The following APBA1 variants were observed in gnomAD, a reference collection of about 807,000 sequenced individuals.
The protein encoded by APBA1 is amyloid beta precursor protein binding family A member 1.
A neutral mutation model predicts 86.6 loss-of-function variants in APBA1; 55 were observed. The observed-to-expected ratio is 0.64, with a 90% CI of 0.51 to 0.80. The LOEUF (loss-of-function observed/expected upper bound fraction) is 0.80, where lower values mean the gene tolerates loss of function less well. Among genes scored for constraint, APBA1 ranks in the 30% least tolerant of loss-of-function variants. The pLI, the probability that APBA1 is intolerant of heterozygous loss-of-function variation, is 0.00. For missense variants in APBA1, 1,090 were observed against 1,183.0 expected, an observed-to-expected ratio of 0.92 and a Z score of 1.15; for synonymous variants, 511 against 493.9, an observed-to-expected ratio of 1.03 and a Z score of -0.46.
At chr9:69,637,376 T>C (rs1017360450) in intron 1 of APBA1, among the ~76,000 whole-genome samples, 3 of 152,200 alleles carry the variant, frequency 2.0e-5, no homozygotes, top group African/African-American at 7.2e-5. Context: ...TATAATTGGA[T>C]TGTTTGTAAC....
Position 69,431,238 on chromosome 9 carries a change from G to GA in APBA1, c.*88dup, listed in dbSNP as rs1262089899. The GA allele has an allele frequency of 2.0e-6, 2 of 1,021,926 alleles. No homozygotes were observed. Among genetic ancestry groups the GA allele is most frequent in the African/African-American group, 3.3e-5 (2 of 60,642 alleles). 63.3% of individuals were successfully genotyped at this position (1,021,926 alleles called of 1,614,324 possible). On this transcript the variant is annotated 3_prime_UTR_variant, in exon 13 of 13. Transcript: ENST00000265381. ...AAACCAAATGCTGGGCGCGAGAGGG[G>GA]AAAGTCTCAGTGGACACAGGGATGC...
intron 1 of APBA1, among the ~76,000 whole-genome samples, chr9:69,549,195 T>C (rs1484908263): frequency 1.3e-5 from 2 of 152,142 alleles, no homozygotes; most frequent in African/African-American, 4.8e-5. Context: ...GGCTCTCACT[T>C]TGCAATCTCA....
Position 69,448,227 on chromosome 9 carries a change from G to A in APBA1, c.2181+1357C>T, listed in dbSNP as rs1490410155. Among the ~76,000 whole-genome samples, 5 of 152,312 alleles carry A rather than the reference G, an allele frequency of 3.3e-5. No homozygotes were observed. The East Asian group carries it at 9.7e-4, about 29-fold the overall frequency. ...CATAAAATTGTCCATCTAATCACTT[G>A]TAGCCTCTCACCTTTATGTTGGCCG... On this transcript the variant is annotated intron_variant, in intron 10 of 12. Coordinates refer to ENST00000265381, the MANE Select transcript of APBA1 (RefSeq NM_001163.4).
intron 12 of APBA1, 71 bp downstream of exon 12, chr9:69,432,464 CA>C (rs34487170): frequency 1.4e-6 from 2 of 1,388,794 alleles, no homozygotes; most frequent in Non-Finnish European, 1.9e-6. Context: ...TGCTCAGGGC[CA>C]CGGTGAGCAT....
rs968251412 is a variant in APBA1, at chr9:69,486,851, A to AT, written c.1201-10709dup. On this transcript the variant is annotated intron_variant, in intron 2 of 12. Coordinates refer to ENST00000265381, the MANE Select transcript of APBA1 (RefSeq NM_001163.4). ...CCTACTCTCTGCCCCGGGAGTAGAT[A>AT]TTTTTTTTTTCTTCTTTTCTTTTTT... is the stretch of plus-strand genomic sequence containing the variant. 8.8e-5 allele frequency among the ~76,000 whole-genome samples: 13 copies of AT among 148,234 alleles called. 1 individual carries two copies. Among genetic ancestry groups the AT allele is most frequent in the South Asian group, 6.5e-4 (3 of 4,620 alleles).
At chr9:69,613,015 A>T (rs1421550133) in intron 1 of APBA1, among the ~76,000 whole-genome samples, 1 of 152,132 alleles carries the variant, frequency 6.6e-6, no homozygotes, top group Non-Finnish European at 1.5e-5. Flanking sequence ...AATGTATAGG[A>T]TAAAACTAAA....
intron 1 of APBA1, among the ~76,000 whole-genome samples, chr9:69,576,537 T>C (rs1821800747): frequency 6.6e-6 from 1 of 152,202 alleles, no homozygotes; most frequent in Admixed American, 6.5e-5. Context: ...TAATAAAGGA[T>C]GAGTTCATGT....
chr9:69,456,552 T>A, intron 7 of APBA1, 120 bp from the exon 8 acceptor site: 1 of 1,049,840 alleles, frequency 9.5e-7, no homozygotes, highest in South Asian at 1.6e-5. Context: ...CAGGGCTCAC[T>A]GCAAAGCCCA....
chr9:69,660,831 A>AGTGTGTGGGTG (rs1823739684), intron 1 of APBA1, among the ~76,000 whole-genome samples: 1 of 152,106 alleles, frequency 6.6e-6, no homozygotes, highest in Non-Finnish European at 1.5e-5. Context: ...TGAAAAAATG[A>AGTGTGTGGGTG]GTGTGTGGGT....
intron 1 of APBA1, among the ~76,000 whole-genome samples, chr9:69,518,742 A>G (rs1367851476): frequency 6.6e-6 from 1 of 152,104 alleles, no homozygotes. Flanking sequence ...GAACTCTTAA[A>G]TATGATAACA....
chr9:69,659,549 C>T (rs1391460643), intron 1 of APBA1, among the ~76,000 whole-genome samples: 1 of 152,176 alleles, frequency 6.6e-6, no homozygotes, highest in Non-Finnish European at 1.5e-5. Flanking sequence ...CATCCATCCA[C>T]TAAAGGTAAT....
At chr9:69,444,124 C>G (rs192088192) in intron 10 of APBA1, among the ~76,000 whole-genome samples, 2 of 152,324 alleles carry the variant, frequency 1.3e-5, no homozygotes, top group Admixed American at 6.5e-5. Flanking sequence ...TTCTGCAGGA[C>G]TTGAGCCTCC....
rs371819910 is a variant in APBA1 at position 69,516,024 on chromosome 9, G to A, written c.1187C>T (p.Pro396Leu). The change falls in exon 2 of 13, where the codon CCG (proline) becomes CTG (leucine). Residue 396 changes from proline to leucine, a missense_variant. Coordinates refer to ENST00000265381, the MANE Select transcript of APBA1 (RefSeq NM_001163.4). This position sits in a 1 kb window ranked among gnomAD's most constrained non-coding sequence, Gnocchi z 7.3. ...SPTRDCDDQR[P>L]MDGDSPSPGS... ...GCACCTACTTACATCTCCGTCCATC[G>A]GCCTCTGGTCGTCACAGTCCCTGGT... 1.3e-6 allele frequency: 2 copies of A among 1,575,356 alleles called. No homozygotes were observed. The highest frequency in any genetic ancestry group is 2.4e-5 in the East Asian group (1 of 41,548).
chr9:69,551,936 T>A (rs1021227411), intron 1 of APBA1, among the ~76,000 whole-genome samples: 2 of 152,204 alleles, frequency 1.3e-5, no homozygotes, highest in South Asian at 4.1e-4. Flanking sequence ...AGGCATGGCA[T>A]CTATGGTTTG....
chr9:69,432,691 G>A lies in APBA1; in HGVS notation c.2302-15C>T. On this transcript the variant is annotated splice_polypyrimidine_tract_variant and intron_variant, in intron 11 of 12. Transcript: ENST00000265381. ...AGGCTGCAGATCTGCCAGAGTCAAAGGCAGAGTTACCCTCATTGCAGACAG... is the reference window on the plus strand; with the variant it reads ...AGGCTGCAGATCTGCCAGAGTCAAAAGCAGAGTTACCCTCATTGCAGACAG... 2 of 1,550,980 alleles carry A rather than the reference G, an allele frequency of 1.3e-6. No individual in the cohort carries two copies. The highest frequency in any genetic ancestry group is 1.7e-6 in the Non-Finnish European group (2 of 1,152,648).
chr9:69,554,614 T>C (rs1836834241), intron 1 of APBA1, among the ~76,000 whole-genome samples: 1 of 152,192 alleles, frequency 6.6e-6, no homozygotes, highest in African/African-American at 2.4e-5. Flanking sequence ...CAAAGACCTA[T>C]GTGCTCATAA....
chr9:69,535,976 TC>T (rs1318102464), intron 1 of APBA1, among the ~76,000 whole-genome samples: 6 of 151,936 alleles, frequency 3.9e-5, no homozygotes, highest in Non-Finnish European at 7.4e-5. Flanking sequence ...GTTGCTATTT[TC>T]CCCCACATAT....
At chr9:69,444,226 C>T (rs112283253) in intron 10 of APBA1, among the ~76,000 whole-genome samples, 37 of 152,296 alleles carry the variant, frequency 2.4e-4, no homozygotes, top group African/African-American at 7.2e-4. Flanking sequence ...GGAACATCTC[C>T]AGGGAACTGC....
chr9:69,526,410 A>G (rs1387610854), intron 1 of APBA1, among the ~76,000 whole-genome samples: 1 of 152,104 alleles, frequency 6.6e-6, no homozygotes, highest in Admixed American at 6.6e-5. Context: ...AACGAGGAAA[A>G]GACATGAACA....
Sources: gnomAD v4.1 joint callset for allele counts (sites outside exome capture counted in the v4.1 genomes callset) on GRCh38, gnomAD v4.1.1 for gene constraint, Gnocchi (gnomAD v3.1) non-coding constraint, MANE v1.5 for transcripts, NCBI Gene and HGNC (gene_info 2026-07-23, HGNC 2026-07-21) for gene names.